Variants in SLC26A11 observed in about 807,000 individuals in gnomAD.
The protein encoded by SLC26A11 is sodium-independent sulfate anion transporter.
Under a neutral mutation model 62.2 loss-of-function variants are expected in SLC26A11, and 58 were observed. That is an observed-to-expected ratio of 0.93 (90% CI 0.76 to 1.16). SLC26A11 has a LOEUF of 1.16. Ranked by LOEUF, SLC26A11 falls within the 50% of genes most tolerant of loss-of-function variation. The pLI, the probability that SLC26A11 is intolerant of heterozygous loss-of-function variation, is 0.00. For synonymous variants in SLC26A11, 411 were observed against 368.9 expected, an observed-to-expected ratio of 1.11 and a Z score of -1.31; for missense variants, 790 against 794.3, an observed-to-expected ratio of 0.99 and a Z score of 0.06.
At position 80,246,698 on chromosome 17, in the gene SLC26A11, G is replaced by A. The variant is rs377310259; in HGVS notation, c.1294+49G>A. ...GAGCGCTGTGATGCGGTGTCTGAAC[G>A]CGGAGGGTGTCATTTATGCTACCCC... On this transcript the variant is annotated intron_variant, in intron 13 of 17. Coordinates refer to ENST00000361193, the MANE Select transcript of SLC26A11 (RefSeq NM_001166347.2). The surrounding 1 kb of genome is among the most constrained non-coding windows in gnomAD (Gnocchi z 4.4). 9.5e-6 allele frequency: 15 copies of A among 1,584,366 alleles called. No individual in the cohort carries two copies. The highest frequency in any genetic ancestry group is 2.7e-5 in the African/African-American group (2 of 74,236).
chr17:80,249,157 C>T lies in SLC26A11; in HGVS notation c.1526C>T (p.Ser509Phe). Residue 509 changes from serine to phenylalanine, a missense_variant, in exon 16 of 18, where the codon TCC (serine) becomes TTC (phenylalanine). By Grantham distance (155) the Ser-to-Phe change is radical. Coordinates refer to ENST00000361193, the MANE Select transcript of SLC26A11 (RefSeq NM_001166347.2). ...EEILSRALEV[S>F]PPRCLVLECT... ...TGGCTCGGGCCTGTCTCCCCAGTGTCCCCGCCACGCTGCCTGGTCCTGGAG... is the reference window on the plus strand; with the variant it reads ...TGGCTCGGGCCTGTCTCCCCAGTGTTCCCGCCACGCTGCCTGGTCCTGGAG... 6.2e-7 allele frequency: 1 copy of T among 1,606,138 alleles called. No homozygotes were observed. The highest frequency in any genetic ancestry group is 1.1e-5 in the South Asian group (1 of 90,756).
At chr17:80,238,762 G>T (rs1035211291) in intron 9 of SLC26A11, among the ~76,000 whole-genome samples, 1 of 150,126 alleles carries the variant, frequency 6.7e-6, no homozygotes, top group Non-Finnish European at 1.5e-5. Context: ...CCAGGGTAAA[G>T]TTCCTTCTCC....
rs147696830 is a variant in SLC26A11, at chr17:80,222,747, C to T, written c.327C>T (p.Ser109=). 1 of 1,614,188 alleles carries T rather than the reference C, an allele frequency of 6.2e-7. No homozygotes were observed. The highest frequency in any genetic ancestry group is 1.1e-5 in the South Asian group (1 of 91,080). The change falls in exon 4 of 18, where the codon TCC becomes TCT. Residue 109 remains serine (S), a synonymous_variant. Transcript: ENST00000361193. The surrounding 1 kb of genome is among the most constrained non-coding windows in gnomAD (Gnocchi z 4.7). ...DVTLGPTAIM[S]LLVSFYTFHE... is the part of the protein sequence containing the mutation. The stretch of plus-strand genomic sequence containing the variant: ...CTCTGGGCCCCACCGCCATTATGTC[C>T]CTCCTGGTCTCCTTCTACACCTTCC...
chr17:80,221,509 A>C (rs1476299079), intron 2 of SLC26A11, 39 bp from the exon 3 acceptor site: 9 of 1,429,250 alleles, frequency 6.3e-6, no homozygotes, highest in Non-Finnish European at 8.4e-6. Context: ...TTCAAAGGCC[A>C]CGCTCTGACT....
At position 80,226,719 on chromosome 17, in the gene SLC26A11, C is replaced by T. The variant is rs147820866; in HGVS notation, c.593+803C>T. Reference sequence around the variant, plus strand: ...CCATCTCCGCCCTGCCCTGCCCCCCCGAAAAGAAAAGCCTCTGATGAGGGG... The same window carrying T: ...CCATCTCCGCCCTGCCCTGCCCCCCTGAAAAGAAAAGCCTCTGATGAGGGG... On this transcript the variant is annotated intron_variant, in intron 6 of 17. Transcript: ENST00000361193. Among the ~76,000 whole-genome samples the T allele has an allele frequency of 1.6e-3, 243 of 152,232 alleles. 1 individual carries two copies. The highest frequency in any genetic ancestry group is 5.5e-3 in the African/African-American group (228 of 41,532).
At chr17:80,224,754 TGAGAGTGGAGAGCG>T (rs1246886849) in intron 5 of SLC26A11, among the ~76,000 whole-genome samples, 1 of 152,056 alleles carries the variant, frequency 6.6e-6, no homozygotes, top group Non-Finnish European at 1.5e-5. Flanking sequence ...AGGATCCCAG[TGAGAGTGGAGAGCG>T]GAGAGTGGAG....
rs748152511 is a variant in SLC26A11, at chr17:80,248,200, C to T, written c.1365C>T (p.Ala455=). Residue 455 remains alanine (A), a synonymous_variant, in exon 14 of 18, where the codon GCC becomes GCT. Transcript: ENST00000361193. ...GGGAGGTGCAGTACGGCATCCTGGCCGGGGCCCTGGTGTCTCTGCTCATGC... is the reference window on the plus strand; with the variant it reads ...GGGAGGTGCAGTACGGCATCCTGGCTGGGGCCCTGGTGTCTCTGCTCATGC... ...CFWEVQYGIL[A]GALVSLLMLL... The T allele has an allele frequency of 9.9e-6, 16 of 1,609,478 alleles. No individual in the cohort carries two copies. The highest frequency in any genetic ancestry group is 2.2e-5 in the East Asian group (1 of 44,856).
intron 7 of SLC26A11, among the ~76,000 whole-genome samples, chr17:80,236,248 T>C (rs1292931933): frequency 6.6e-6 from 1 of 152,236 alleles, no homozygotes; most frequent in Non-Finnish European, 1.5e-5. Context: ...ACCAGTTCTC[T>C]GCTGCACATC....
At position 80,241,836 on chromosome 17, in the gene SLC26A11, G is replaced by T. The variant is rs759438486; in HGVS notation, c.1036+15G>T. 1 of 1,614,128 alleles carries T rather than the reference G, an allele frequency of 6.2e-7. No individual in the cohort carries two copies. On this transcript the variant is annotated intron_variant, in intron 10 of 17. Coordinates refer to ENST00000361193, the MANE Select transcript of SLC26A11 (RefSeq NM_001166347.2). The stretch of plus-strand genomic sequence containing the variant: ...GCTGGCCATCGGTAAGACCCCAGCC[G>T]CGGGAAGGAAGACACCAGCTGTGGG...
chr17:80,226,783 C>T (rs1389860235), intron 6 of SLC26A11, among the ~76,000 whole-genome samples: 1 of 152,242 alleles, frequency 6.6e-6, no homozygotes, highest in Non-Finnish European at 1.5e-5. Context: ...AGGCAGGATG[C>T]CTCTCTACCT....
intron 7 of SLC26A11, among the ~76,000 whole-genome samples, chr17:80,232,220 A>G (rs2144908162): frequency 6.6e-6 from 1 of 151,908 alleles, no homozygotes; most frequent in Non-Finnish European, 1.5e-5. Context: ...GAGCTACTCC[A>G]GCTTTCATTA....
At chr17:80,236,541 G>C (rs1351952982) in intron 7 of SLC26A11, among the ~76,000 whole-genome samples, 1 of 152,240 alleles carries the variant, frequency 6.6e-6, no homozygotes, top group Non-Finnish European at 1.5e-5. Flanking sequence ...CATGTCCACT[G>C]TCCCGCATCT....
Position 80,223,274 on chromosome 17 carries a change from C to T in SLC26A11, c.450C>T (p.Ser150=). The T allele has an allele frequency of 6.2e-7, 1 of 1,614,140 alleles. No individual in the cohort carries two copies. The highest frequency in any genetic ancestry group is 8.5e-7 in the Non-Finnish European group (1 of 1,180,026). ...CAGGGTTCCTGCTGGACTTCATTTC[C>T]TACCCCGTCATTAAAGGCTTCACCT... ...LRLGFLLDFI[S]YPVIKGFTSA... The change falls in exon 5 of 18, where the codon TCC becomes TCT. Residue 150 remains serine (S), a synonymous_variant. Coordinates refer to ENST00000361193, the MANE Select transcript of SLC26A11 (RefSeq NM_001166347.2). The surrounding 1 kb of genome is among the most constrained non-coding windows in gnomAD (Gnocchi z 4.6).
intron 7 of SLC26A11, among the ~76,000 whole-genome samples, chr17:80,232,577 G>T (rs2042592034): frequency 6.6e-6 from 1 of 152,146 alleles, no homozygotes; most frequent in African/African-American, 2.4e-5. Context: ...TAATTGATTT[G>T]TGTTCTTGTG....
At chr17:80,247,957 C>G (rs1208391762) in intron 13 of SLC26A11, among the ~76,000 whole-genome samples, 173 bp from the exon 14 acceptor site, 2 of 152,198 alleles carry the variant, frequency 1.3e-5, no homozygotes, top group Non-Finnish European at 2.9e-5. Context: ...TTTCTTTCGA[C>G]TTGAAGCATG....
rs566478060 is a variant in SLC26A11 at position 80,235,213 on chromosome 17, GT to G, written c.737-1705del. Among the ~76,000 whole-genome samples, 72 of 145,944 alleles carry G rather than the reference GT, an allele frequency of 4.9e-4. No homozygotes were observed. In the Middle Eastern group the frequency reaches 0.011, roughly 21 times the overall value. ...ACTTAACAGTTGCAATCTTTCCTCT[GT>G]TTTTTTTTTAAGTATATGGAATTTG... On this transcript the variant is annotated intron_variant, in intron 7 of 17. Transcript: ENST00000361193.
chr17:80,233,752 T>C (rs548727592), intron 7 of SLC26A11, among the ~76,000 whole-genome samples: 105 of 152,258 alleles, frequency 6.9e-4, no homozygotes, highest in African/African-American at 2.5e-3. Context: ...TTTTTATTTT[T>C]ACTTTTTGTA....
intron 7 of SLC26A11, among the ~76,000 whole-genome samples, chr17:80,229,919 G>C (rs574297577): frequency 9.2e-5 from 14 of 152,194 alleles, no homozygotes; most frequent in Admixed American, 8.5e-4. Flanking sequence ...GTCAAAGTTT[G>C]GAAGCCGGGC....
intron 9 of SLC26A11, among the ~76,000 whole-genome samples, chr17:80,238,187 G>C (rs1391946140): frequency 6.6e-6 from 1 of 152,096 alleles, no homozygotes; most frequent in Admixed American, 6.6e-5. Context: ...ACGAGACCTC[G>C]TTTCTATTAA....
Sources: allele counts gnomAD v4.1 joint callset (sites outside exome capture counted in the v4.1 genomes callset), GRCh38; gene constraint gnomAD v4.1.1; non-coding constraint Gnocchi (gnomAD v3.1); transcripts MANE v1.5; gene names NCBI Gene and HGNC (gene_info 2026-07-23, HGNC 2026-07-21).